Variants in FAM162A observed in about 807,000 individuals in gnomAD.
FAM162A encodes the protein protein FAM162A.
A neutral mutation model predicts 21.8 loss-of-function variants in FAM162A; 23 were observed. That is an observed-to-expected ratio of 1.05 (90% CI 0.76 to 1.49). The LOEUF is 1.49. Among genes scored for constraint, FAM162A ranks in the 40% most tolerant of loss-of-function variants. The pLI is 0.00. For missense variants in FAM162A, 165 were observed against 186.4 expected, an observed-to-expected ratio of 0.89 and a Z score of 0.67; for synonymous variants, 53 against 61.3, an observed-to-expected ratio of 0.86 and a Z score of 0.64.
At chr3:122,403,262 C>T (rs1449049510) in intron 2 of FAM162A, among the ~76,000 whole-genome samples, 1 of 152,224 alleles carries the variant, frequency 6.6e-6, no homozygotes, top group African/African-American at 2.4e-5. Context: ...CATGTTCCTA[C>T]AGCAGACCTC....
intron 4 of FAM162A, among the ~76,000 whole-genome samples, chr3:122,408,925 T>C (rs1015550642): frequency 6.6e-6 from 1 of 152,220 alleles, no homozygotes; most frequent in Non-Finnish European, 1.5e-5. Context: ...ACTACTGGAA[T>C]GGAGAACTTT....
Position 122,384,313 on chromosome 3 carries a change from C to A in FAM162A, c.34+14C>A, listed in dbSNP as rs767039510. 2 of 1,572,198 alleles carry A rather than the reference C, an allele frequency of 1.3e-6. No homozygotes were observed. Among genetic ancestry groups the A allele is most frequent in the Non-Finnish European group, 1.7e-6 (2 of 1,159,014 alleles). Reference sequence around the variant, plus strand: ...GCCTGGCAGCAGGTGAGACGCCGGTCGGGATATGGGAGGTAGGGGAGCTGG... The same window carrying A: ...GCCTGGCAGCAGGTGAGACGCCGGTAGGGATATGGGAGGTAGGGGAGCTGG... On this transcript the variant is annotated intron_variant, in intron 1 of 4. Coordinates refer to ENST00000477892, the MANE Select transcript of FAM162A (RefSeq NM_014367.4).
At chr3:122,393,575 T>G (rs957703616) in intron 1 of FAM162A, among the ~76,000 whole-genome samples, 3 of 152,208 alleles carry the variant, frequency 2.0e-5, no homozygotes, top group Non-Finnish European at 2.9e-5. Flanking sequence ...CTATTTGACT[T>G]GTCTGACAGT....
At position 122,409,569 on chromosome 3, in the gene FAM162A, A is replaced by AATTCC. The variant is rs576883471; in HGVS notation, c.373-169_373-168insTTCCA. On this transcript the variant is annotated intron_variant, in intron 4 of 4. Coordinates refer to ENST00000477892, the MANE Select transcript of FAM162A (RefSeq NM_014367.4). ...TGAGTGGATGAGCTGCTGTTCTTGGAAGCGTACGAGGAAGTTGAAGCACAT... is the reference window on the plus strand; with the variant it reads ...TGAGTGGATGAGCTGCTGTTCTTGGAATTCCAGCGTACGAGGAAGTTGAAGCACAT... Among the ~76,000 whole-genome samples the AATTCC allele has an allele frequency of 1.1e-3, 172 of 152,218 alleles. 1 individual carries two copies. The highest frequency in any genetic ancestry group is 4.0e-3 in the African/African-American group (167 of 41,552).
chr3:122,408,964 A>G (rs1364280039), intron 4 of FAM162A, among the ~76,000 whole-genome samples: 1 of 152,126 alleles, frequency 6.6e-6, no homozygotes, highest in African/African-American at 2.4e-5. Flanking sequence ...GAAGAGAAAA[A>G]TTAGCCATTG....
intron 1 of FAM162A, among the ~76,000 whole-genome samples, chr3:122,394,254 C>CTGT (rs2075617353): frequency 6.6e-6 from 1 of 152,166 alleles, no homozygotes; most frequent in South Asian, 2.1e-4. Flanking sequence ...GCCACACCTC[C>CTGT]AACACTGGGG....
intron 1 of FAM162A, among the ~76,000 whole-genome samples, chr3:122,394,819 C>G (rs73188327): frequency 0.18 from 26,604 of 151,716 alleles, 2,542 homozygotes; most frequent in Middle Eastern, 0.28. Context: ...CAAACCCCTC[C>G]CAAAAAAATC....
Position 122,412,083 on chromosome 3 carries a change from A to G in FAM162A, c.*2252A>G, listed in dbSNP as rs1042525903. 1 of 152,152 alleles carries G rather than the reference A, an allele frequency of 6.6e-6. No individual in the cohort carries two copies. The highest frequency in any genetic ancestry group is 2.4e-5 in the African/African-American group (1 of 41,424). The allele number at this position is 152,152 out of a possible 1,614,324, so 9.4% of individuals were successfully genotyped here. A position where few individuals can be genotyped will look rare whatever the true frequency, so the allele number is the denominator to read the frequency against. On this transcript the variant is annotated 3_prime_UTR_variant, in exon 5 of 5. Coordinates refer to ENST00000477892, the MANE Select transcript of FAM162A (RefSeq NM_014367.4). ...CACTCCTACCCTACTAGTAACTCTGATATCTCATAGTCCTCAGATTTATCA... is the reference window on the plus strand; with the variant it reads ...CACTCCTACCCTACTAGTAACTCTGGTATCTCATAGTCCTCAGATTTATCA...
intron 2 of FAM162A, among the ~76,000 whole-genome samples, chr3:122,403,132 C>T (rs2075660475): frequency 6.6e-6 from 1 of 152,118 alleles, no homozygotes; most frequent in South Asian, 2.1e-4. Flanking sequence ...TCCTACATCA[C>T]ACTTCTCATG....
chr3:122,411,797 A>T lies in FAM162A; in HGVS notation c.*1966A>T, dbSNP rs1019649182. On this transcript the variant is annotated 3_prime_UTR_variant, in exon 5 of 5. Coordinates refer to ENST00000477892, the MANE Select transcript of FAM162A (RefSeq NM_014367.4). ...CTCAAACTCCTGACCTCAGGTGATC[A>T]GCCTCCCTCGGCCTCCCAAAGTGCT... 2.0e-5 allele frequency: 3 copies of T among 152,052 alleles called. No individual in the cohort carries two copies. The highest frequency in any genetic ancestry group is 4.4e-5 in the Non-Finnish European group (3 of 68,010). The allele number at this position is 152,052 out of a possible 1,614,324, so 9.4% of individuals were successfully genotyped here. A position where few individuals can be genotyped will look rare whatever the true frequency, so the allele number is the denominator to read the frequency against.
At chr3:122,390,053 G>A (rs1347848935) in intron 1 of FAM162A, among the ~76,000 whole-genome samples, 2 of 152,046 alleles carry the variant, frequency 1.3e-5, no homozygotes, top group African/African-American at 2.4e-5. Flanking sequence ...CAGGAGGATC[G>A]CTTGAGCCCG....
At chr3:122,386,028 C>T (rs2075572806) in intron 1 of FAM162A, among the ~76,000 whole-genome samples, 1 of 152,040 alleles carries the variant, frequency 6.6e-6, no homozygotes, top group Non-Finnish European at 1.5e-5. Flanking sequence ...GAGAGGGTAC[C>T]CTTTAATTCT....
At chr3:122,395,541 C>T (rs2075623190) in intron 1 of FAM162A, among the ~76,000 whole-genome samples, 1 of 151,990 alleles carries the variant, frequency 6.6e-6, no homozygotes, top group African/African-American at 2.4e-5. Flanking sequence ...TAAAGAAGAC[C>T]CAAATAAATG....
rs1471303833 is a variant in FAM162A, at chr3:122,411,156, CAGAG to C, written c.*1328_*1331del. 6.6e-6 allele frequency: 1 copy of C among 152,128 alleles called. No individual in the cohort carries two copies. The highest frequency in any genetic ancestry group is 2.4e-5 in the African/African-American group (1 of 41,420). 9.4% of individuals were successfully genotyped at this position (152,128 alleles called of 1,614,324 possible). A position where few individuals can be genotyped will look rare whatever the true frequency, so the allele number is the denominator to read the frequency against. On this transcript the variant is annotated 3_prime_UTR_variant, in exon 5 of 5. Transcript: ENST00000477892. ...ACAGCCATGCCAACATGCTGGTTCT[CAGAG>C]AGTTATAAGAGAGATTAAAAATACA...
intron 1 of FAM162A, among the ~76,000 whole-genome samples, chr3:122,390,804 A>T (rs1203540149): frequency 1.3e-5 from 2 of 152,188 alleles, no homozygotes; most frequent in Non-Finnish European, 1.5e-5. Flanking sequence ...TTCGATAGAT[A>T]AAAAAGTTAA....
At position 122,409,681 on chromosome 3, in the gene FAM162A, A is replaced by G. The variant is rs2075694819; in HGVS notation, c.373-58A>G. ...TAACCTGCTGTCATCAGTGCAAGGT[A>G]AAGACACCCTCCCCTGACCAGCATA... On this transcript the variant is annotated intron_variant, in intron 4 of 4. Transcript: ENST00000477892. 4.7e-6 allele frequency: 7 copies of G among 1,495,580 alleles called. No homozygotes were observed. In the East Asian group the frequency reaches 1.6e-4, roughly 34 times the overall value. 92.6% of individuals were successfully genotyped at this position (1,495,580 alleles called of 1,614,324 possible). A position where few individuals can be genotyped will look rare whatever the true frequency, so the allele number is the denominator to read the frequency against.
At chr3:122,398,019 G>A (rs927254360) in intron 1 of FAM162A, among the ~76,000 whole-genome samples, 5 of 152,102 alleles carry the variant, frequency 3.3e-5, no homozygotes, top group Non-Finnish European at 5.9e-5. Flanking sequence ...GAAAGGACTC[G>A]GGAGCCAACT....
chr3:122,404,466 T>G (rs2075668314), intron 3 of FAM162A, 103 bp downstream of exon 3: 2 of 535,100 alleles, frequency 3.7e-6, no homozygotes, highest in East Asian at 6.4e-5. Flanking sequence ...TCAACCAAAT[T>G]TGAAAACATT....
intron 1 of FAM162A, among the ~76,000 whole-genome samples, chr3:122,394,091 C>T (rs1351745862): frequency 6.6e-6 from 1 of 152,044 alleles, no homozygotes; most frequent in Non-Finnish European, 1.5e-5. Flanking sequence ...TGTCACATGT[C>T]CAGAGCAAGA....
Sources: gnomAD v4.1 joint callset for allele counts (sites outside exome capture counted in the v4.1 genomes callset) on GRCh38, gnomAD v4.1.1 for gene constraint, MANE v1.5 for transcripts, NCBI Gene and HGNC (gene_info 2026-07-23, HGNC 2026-07-21) for gene names.